TUBGCP6: variants seen among roughly 807,000 people sequenced by gnomAD.
TUBGCP6 encodes tubulin gamma complex component 6.
Under a neutral mutation model 175.8 loss-of-function variants are expected in TUBGCP6, and 161 were observed. The observed-to-expected ratio is 0.92, with a 90% CI of 0.81 to 1.04. The LOEUF (loss-of-function observed/expected upper bound fraction) is 1.04, where lower values mean the gene tolerates loss of function less well. TUBGCP6 is among the 50% of genes least tolerant of loss of function. TUBGCP6 has a pLI of 0.00. For synonymous variants in TUBGCP6, 1,173 were observed against 1,030.5 expected (o/e 1.14, Z -2.65); for missense variants, 2,572 against 2,433.0 (o/e 1.06, Z -1.20).
Position 50,221,532 on chromosome 22 carries a change from T to C in TUBGCP6, c.2827A>G (p.Thr943Ala), listed in dbSNP as rs2064523433. Residue 943 changes from threonine to alanine, a missense_variant, in exon 16 of 25, where the codon ACT becomes GCT. Coordinates refer to ENST00000248846, the MANE Select transcript of TUBGCP6 (RefSeq NM_020461.4). ...TACTCCTGTGGCCTGGAGGGCTGAGTGCTGGCTGCTGCGGGTGCCTCCCCA... is the reference window on the plus strand; with the variant it reads ...TACTCCTGTGGCCTGGAGGGCTGAGCGCTGGCTGCTGCGGGTGCCTCCCCA... The part of the protein sequence containing the change: ...APGEAPAAAS[T>A]QPSRPQEYDF... The C allele has an allele frequency of 6.3e-7, 1 of 1,583,448 alleles. No individual in the cohort carries two copies. The highest frequency in any genetic ancestry group is 2.3e-5 in the East Asian group (1 of 43,562).
Position 50,244,460 on chromosome 22 carries a change from G to A in TUBGCP6, c.-1C>T, listed in dbSNP as rs895969099. The A allele has an allele frequency of 2.5e-6, 4 of 1,606,286 alleles. No individual in the cohort carries two copies. Among genetic ancestry groups the A allele is most frequent in the Non-Finnish European group, 2.6e-6 (3 of 1,176,340 alleles). On this transcript the variant is annotated 5_prime_UTR_variant, in exon 1 of 25. Transcript: ENST00000248846. ...CGAACAGCTGCGTGATGCTGGCCAT[G>A]CCCCTTCTCAGCTCCGGGCCCCCGG...
At position 50,243,714 on chromosome 22, in the gene TUBGCP6, T is replaced by C; in HGVS notation, c.741+5A>G. On this transcript the variant is annotated splice_donor_5th_base_variant and intron_variant, in intron 1 of 24. Coordinates refer to ENST00000248846, the MANE Select transcript of TUBGCP6 (RefSeq NM_020461.4). ...AGATGAAAGAGGAAAAACTAAACATTCTACCTTAATAGCCAGCCCAGAGAG... is the reference window on the plus strand; with the variant it reads ...AGATGAAAGAGGAAAAACTAAACATCCTACCTTAATAGCCAGCCCAGAGAG... 6.3e-7 allele frequency: 1 copy of C among 1,597,488 alleles called. No individual in the cohort carries two copies. The highest frequency in any genetic ancestry group is 8.6e-7 in the Non-Finnish European group (1 of 1,169,064).
At chr22:50,227,778 T>C in intron 5 of TUBGCP6, 129 bp downstream of exon 5, 1 of 1,336,608 alleles carries the variant, frequency 7.5e-7, no homozygotes. Context: ...CCAAGGGCCA[T>C]CCGGTCGCCT....
At chr22:50,226,227 A>G (rs997020573) in intron 8 of TUBGCP6, 38 bp from the exon 9 acceptor site, 2 of 1,613,922 alleles carry the variant, frequency 1.2e-6, no homozygotes, top group African/African-American at 1.3e-5. Flanking sequence ...CGGCATGGCC[A>G]TGGCCCTGAA....
At chr22:50,243,584 C>T (rs2147220194) in intron 1 of TUBGCP6, 135 bp downstream of exon 1, 1 of 961,438 alleles carries the variant, frequency 1.0e-6, no homozygotes, top group Non-Finnish European at 1.5e-6. Flanking sequence ...CGCCACTGCA[C>T]TCCAGCCTGG....
At chr22:50,239,423 C>T (rs777604627) in intron 2 of TUBGCP6, among the ~76,000 whole-genome samples, 2 of 152,188 alleles carry the variant, frequency 1.3e-5, no homozygotes, top group Admixed American at 6.5e-5. Context: ...GTGATCTGCC[C>T]GCCTCAGCCT....
rs535253394 is a variant in TUBGCP6, at chr22:50,233,853, A to G, written c.906-327T>C. On this transcript the variant is annotated intron_variant, in intron 2 of 24. Transcript: ENST00000248846. ...ACCCCAGGCCACGCCAGTGGCCCTC[A>G]AGATGGTGATTCACTCATAAAGTAT... Among the ~76,000 whole-genome samples, 4 of 152,206 alleles carry G rather than the reference A, an allele frequency of 2.6e-5. No individual in the cohort carries two copies. The South Asian group carries it at 8.3e-4, about 32-fold the overall frequency.
intron 2 of TUBGCP6, among the ~76,000 whole-genome samples, chr22:50,239,024 G>A (rs1200127975): frequency 1.3e-5 from 2 of 152,146 alleles, no homozygotes; most frequent in Non-Finnish European, 2.9e-5. Flanking sequence ...GGCTGCCAGA[G>A]CCCAGCCACT....
chr22:50,230,305 T>TA (rs907990978), intron 3 of TUBGCP6, among the ~76,000 whole-genome samples: 21 of 151,434 alleles, frequency 1.4e-4, no homozygotes, highest in African/African-American at 4.9e-4. Flanking sequence ...CCCCCATCTC[T>TA]AAAAAAATTT....
At chr22:50,228,934 CCT>C (rs1346181187) in intron 4 of TUBGCP6, among the ~76,000 whole-genome samples, 1 of 152,190 alleles carries the variant, frequency 6.6e-6, no homozygotes, top group Non-Finnish European at 1.5e-5. Context: ...AGGTGCAGCC[CCT>C]GTCCCATGGG....
chr22:50,233,472 G>A lies in TUBGCP6; in HGVS notation c.960C>T (p.Phe320=), dbSNP rs751183358. 11 of 1,612,296 alleles carry A rather than the reference G, an allele frequency of 6.8e-6. No individual in the cohort carries two copies. The highest frequency in any genetic ancestry group is 4.5e-5 in the East Asian group (2 of 44,810). Residue 320 remains phenylalanine, a synonymous_variant, in exon 3 of 25, where the codon TTC becomes TTT. Coordinates refer to ENST00000248846, the MANE Select transcript of TUBGCP6 (RefSeq NM_020461.4). ...PYLTEAGRDA[F]DKFCRLHQGE... Reference sequence around the variant, plus strand: ...CTTGGTGGAGCCTGCAGAACTTGTCGAAAGCGTCCCTTCCCGCCTCCGTCA... The same window carrying A: ...CTTGGTGGAGCCTGCAGAACTTGTCAAAAGCGTCCCTTCCCGCCTCCGTCA...
Position 50,218,594 on chromosome 22 carries a change from G to A in TUBGCP6, c.4848C>T (p.Ile1616=), listed in dbSNP as rs1490973372. The change falls in exon 22 of 25, where the codon ATC becomes ATT. Residue 1616 remains isoleucine (I), a synonymous_variant. Coordinates refer to ENST00000248846, the MANE Select transcript of TUBGCP6 (RefSeq NM_020461.4). ...YKVDWPLNIV[I]TEGCVSKYSG... The stretch of plus-strand genomic sequence containing the variant: ...TGTACTTGCTCACGCAGCCCTCGGT[G>A]ATGACAATGTTGAGAGGCCAGTCCA... 5 of 1,613,600 alleles carry A rather than the reference G, an allele frequency of 3.1e-6. No individual in the cohort carries two copies. The highest frequency in any genetic ancestry group is 3.4e-6 in the Non-Finnish European group (4 of 1,179,864).
intron 24 of TUBGCP6, 35 bp downstream of exon 24, chr22:50,217,883 C>G (rs373083386): frequency 6.2e-7 from 1 of 1,604,788 alleles, no homozygotes; most frequent in Non-Finnish European, 8.5e-7. Context: ...CCGCCCTGGC[C>G]CCCCCGCAGC....
chr22:50,221,474 G>A lies in TUBGCP6; in HGVS notation c.2885C>T (p.Ala962Val). 1 of 1,589,958 alleles carries A rather than the reference G, an allele frequency of 6.3e-7. No individual in the cohort carries two copies. The stretch of plus-strand genomic sequence containing the variant: ...CAGGGGCCCTGGTGCAGGTGAGGTG[G>A]CCACAGCTGGCCTCAGGACAGTACT... ...DFSTVLRPAVATSPAPGPLQA... is the reference protein window; with the variant it reads ...DFSTVLRPAVVTSPAPGPLQA... The change falls in exon 16 of 25, where the codon GCC (alanine) becomes GTC (valine). Residue 962 changes from alanine to valine, a missense_variant. By Grantham distance (64) the Ala-to-Val change is moderately conservative. Transcript: ENST00000248846.
Position 50,227,924 on chromosome 22 carries a change from T to C in TUBGCP6, c.1395A>G (p.Lys465=). The change falls in exon 5 of 25, where the codon AAA becomes AAG. Residue 465 remains lysine (K), a synonymous_variant. Transcript: ENST00000248846. The part of the protein sequence containing the change: ...SLLTIGFLFK[K]LGRQLRYLAE... ...AGGCTCACCTGAGCTGCCGGCCAAGTTTCTTGAAGAGAAAACCAATGGTGA... is the reference window on the plus strand; with the variant it reads ...AGGCTCACCTGAGCTGCCGGCCAAGCTTCTTGAAGAGAAAACCAATGGTGA... The C allele has an allele frequency of 5.7e-6, 9 of 1,575,960 alleles. No individual in the cohort carries two copies. In the South Asian group the frequency reaches 9.3e-5, roughly 16 times the overall value.
In TUBGCP6 at chr22:50,221,170, G is replaced by C. The variant is rs117613659; in HGVS notation, c.3189C>G (p.Val1063=). 2.9e-4 allele frequency: 451 copies of C among 1,554,344 alleles called. 1 individual carries two copies. The African/African-American group carries it at 5.8e-3, about 20-fold the overall frequency. ...HGHVSDASIR[V]GENVSDVAPT... is the part of the protein sequence containing the mutation. ...GAGCCACATCTGACACATTCTCCCCGACCCTGATGCTGGCGTCAGACACGT... is the reference window on the plus strand; with the variant it reads ...GAGCCACATCTGACACATTCTCCCCCACCCTGATGCTGGCGTCAGACACGT... Residue 1063 remains valine, a synonymous_variant, in exon 16 of 25, where the codon GTC becomes GTG. Coordinates refer to ENST00000248846, the MANE Select transcript of TUBGCP6 (RefSeq NM_020461.4).
intron 2 of TUBGCP6, among the ~76,000 whole-genome samples, chr22:50,235,073 C>A (rs2064753543): frequency 6.6e-6 from 1 of 151,046 alleles, no homozygotes; most frequent in South Asian, 2.1e-4. Context: ...AGTATCCACA[C>A]CCCTGTCCAT....
At chr22:50,219,840 C>A in intron 17 of TUBGCP6, 49 bp from the exon 18 acceptor site, 1 of 1,605,798 alleles carries the variant, frequency 6.2e-7, no homozygotes, top group Non-Finnish European at 8.5e-7. Flanking sequence ...ACGCTGTCCC[C>A]ACAACCAGCT....
Position 50,221,375 on chromosome 22 carries a change from C to T in TUBGCP6, c.2984G>A (p.Cys995Tyr), listed in dbSNP as rs1467419147. Residue 995 changes from cysteine (C) to tyrosine (Y), a missense_variant, in exon 16 of 25, where the codon TGT (cysteine) becomes TAT (tyrosine). Physicochemically the swap from Cys to Tyr is radical, Grantham distance 194. Transcript: ENST00000248846. ...WEDSCGKMDA[C>Y]GSASRETLLP... ...CAGAGTCTCCCGCGAGGCGGAGCCA[C>T]AGGCATCCATCTTCCCACAACTGTC... 3.1e-6 allele frequency: 5 copies of T among 1,609,932 alleles called. No individual in the cohort carries two copies. The highest frequency in any genetic ancestry group is 4.2e-6 in the Non-Finnish European group (5 of 1,179,776).
Sources: gnomAD v4.1 joint callset for allele counts (sites outside exome capture counted in the v4.1 genomes callset) on GRCh38, gnomAD v4.1.1 for gene constraint, MANE v1.5 for transcripts, NCBI Gene and HGNC (gene_info 2026-07-23, HGNC 2026-07-21) for gene names.